POC5: variants seen among roughly 807,000 people sequenced by gnomAD.
The protein encoded by POC5 is POC5 centriolar protein, also known as centrosomal protein POC5.
Under a neutral mutation model 62.9 loss-of-function variants are expected in POC5, and 48 were observed. The observed-to-expected ratio is 0.76, with a 90% confidence interval of 0.61 to 0.97. The LOEUF (loss-of-function observed/expected upper bound fraction) is 0.97. Ranked by LOEUF, POC5 falls within the 50% of genes least tolerant of loss-of-function variation. The pLI is 0.00. For missense variants in POC5, 696 were observed against 679.5 expected, an observed-to-expected ratio of 1.02 and a Z score of -0.27; for synonymous variants, 236 against 228.2, an observed-to-expected ratio of 1.03 and a Z score of -0.31.
rs187167866 is a variant in POC5, at chr5:75,688,945, C to G, written c.1129+67G>C. 3.5e-4 allele frequency: 495 copies of G among 1,422,956 alleles called. 10 individuals are homozygous for G. In the Middle Eastern group the frequency reaches 9.2e-3, roughly 27 times the overall value. The allele number at this position is 1,422,956 out of a possible 1,614,324, so 88.1% of individuals were successfully genotyped here. A position where few individuals can be genotyped will look rare whatever the true frequency, so the allele number is the denominator to read the frequency against. On this transcript the variant is annotated intron_variant, in intron 9 of 11. Transcript: ENST00000428202. Reference sequence around the variant, plus strand: ...CAGATTATTTGTACTGTAGACCATACCAATCACCAAAATCTCCTCAAATCT... The same window carrying G: ...CAGATTATTTGTACTGTAGACCATAGCAATCACCAAAATCTCCTCAAATCT...
intron 2 of POC5, among the ~76,000 whole-genome samples, chr5:75,710,349 ATGTT>A (rs1385454978): frequency 6.6e-6 from 1 of 152,212 alleles, no homozygotes; most frequent in African/African-American, 2.4e-5. Flanking sequence ...CGGAGTCTGA[ATGTT>A]TGTGTCCCCT....
Position 75,674,424 on chromosome 5 carries a change from A to C in POC5, c.*11T>G. The C allele has an allele frequency of 6.2e-7, 1 of 1,613,420 alleles. No individual in the cohort carries two copies. The highest frequency in any genetic ancestry group is 8.5e-7 in the Non-Finnish European group (1 of 1,179,514). On this transcript the variant is annotated 3_prime_UTR_variant, in exon 12 of 12. Transcript: ENST00000428202. ...GAGGGATTAAAAGACCCCACTATGG[A>C]CATATTCACTTTAGTCAACCACTTT...
intron 5 of POC5, among the ~76,000 whole-genome samples, chr5:75,700,149 T>A (rs1233360848): frequency 6.6e-6 from 1 of 151,904 alleles, no homozygotes; most frequent in East Asian, 1.9e-4. Flanking sequence ...CTGCCCAAGG[T>A]AATTTACAGA....
At chr5:75,680,545 G>A (rs996972478) in intron 10 of POC5, among the ~76,000 whole-genome samples, 6 of 152,024 alleles carry the variant, frequency 3.9e-5, no homozygotes, top group Non-Finnish European at 8.8e-5. Context: ...ACTGTCGGCT[G>A]CTTGTTTTCA....
At chr5:75,694,270 C>T (rs974609727) in intron 6 of POC5, among the ~76,000 whole-genome samples, 7 of 152,182 alleles carry the variant, frequency 4.6e-5, no homozygotes, top group Middle Eastern at 3.4e-3. Context: ...CGTTCCTTCA[C>T]GTTCGCTTAA....
At chr5:75,692,592 A>G in intron 6 of POC5, 92 bp from the exon 7 acceptor site, 1 of 818,520 alleles carries the variant, frequency 1.2e-6, no homozygotes, top group African/African-American at 1.7e-5. Context: ...GCTAGAGAGG[A>G]TAGGTATGGA....
intron 7 of POC5, 63 bp downstream of exon 7, chr5:75,692,333 T>C (rs925002758): frequency 8.8e-7 from 1 of 1,135,852 alleles, no homozygotes; most frequent in African/African-American, 1.6e-5. Flanking sequence ...TAATAAGTGA[T>C]CCTGAGCACT....
At chr5:75,692,139 AT>A (rs2112124085) in intron 7 of POC5, among the ~76,000 whole-genome samples, 1 of 152,276 alleles carries the variant, frequency 6.6e-6, no homozygotes, top group South Asian at 2.1e-4. Context: ...GGCCTTTACA[AT>A]TTAGGAACAA....
intron 11 of POC5, among the ~76,000 whole-genome samples, chr5:75,676,545 C>CT (rs1275178588): frequency 4.0e-5 from 4 of 100,458 alleles, no homozygotes; most frequent in Non-Finnish European, 7.7e-5. Context: ...CCAGCTAGTA[C>CT]TCGGGAAAAA....
rs1561487842 is a variant in POC5, at chr5:75,717,338, G to A, written c.-47C>T. ...GCTCGCGACCAAATCCCGACTCCTCGCTCTGCGCCTCTTAGCCGCGTCGCA... is the reference window on the plus strand; with the variant it reads ...GCTCGCGACCAAATCCCGACTCCTCACTCTGCGCCTCTTAGCCGCGTCGCA... On this transcript the variant is annotated 5_prime_UTR_variant, in exon 1 of 12. Coordinates refer to ENST00000428202, the MANE Select transcript of POC5 (RefSeq NM_001099271.2). 1.3e-5 allele frequency: 2 copies of A among 152,254 alleles called. No individual in the cohort carries two copies. Among genetic ancestry groups the A allele is most frequent in the South Asian group, 2.1e-4 (1 of 4,838 alleles). 9.4% of individuals were successfully genotyped at this position (152,254 alleles called of 1,614,324 possible).
chr5:75,699,250 G>A (rs1170576532), intron 5 of POC5, among the ~76,000 whole-genome samples: 28 of 151,972 alleles, frequency 1.8e-4, no homozygotes, highest in Non-Finnish European at 1.5e-5. Context: ...CCAAAGCCGG[G>A]CAGAGACACA....
chr5:75,712,539 C>T, intron 2 of POC5: 1 of 1,269,792 alleles, frequency 7.9e-7, no homozygotes, highest in Non-Finnish European at 1.1e-6. Context: ...GTGAAAGTAG[C>T]ATTCATGAGA....
chr5:75,686,741 A>ATAATTAATC (rs913139987), intron 9 of POC5, among the ~76,000 whole-genome samples: 2 of 152,182 alleles, frequency 1.3e-5, no homozygotes, highest in African/African-American at 4.8e-5. Flanking sequence ...CTTAAGTTTA[A>ATAATTAATC]TAATTAATCT....
chr5:75,694,367 G>A (rs771891011), intron 6 of POC5, among the ~76,000 whole-genome samples: 1 of 152,050 alleles, frequency 6.6e-6, no homozygotes, highest in African/African-American at 2.4e-5. Context: ...TTTTTAAATT[G>A]ACAAATCATA....
intron 5 of POC5, among the ~76,000 whole-genome samples, chr5:75,702,163 G>C (rs1021805655): frequency 1.3e-5 from 2 of 152,008 alleles, no homozygotes; most frequent in African/African-American, 4.8e-5. Context: ...GGCCTGTCAG[G>C]GGGTGGAGGG....
At position 75,701,038 on chromosome 5, in the gene POC5, T is replaced by C. The variant is rs1272052911; in HGVS notation, c.513+1567A>G. Among the ~76,000 whole-genome samples the C allele has an allele frequency of 3.8e-4, 47 of 122,226 alleles. 1 individual carries two copies. The highest frequency in any genetic ancestry group is 6.0e-4 in the Non-Finnish European group (33 of 54,986). 80.2% of individuals were successfully genotyped at this position (122,226 alleles called of 152,430 possible). On this transcript the variant is annotated intron_variant, in intron 5 of 11. Transcript: ENST00000428202. ...CAATGAGATACCATCTCACACCAGT[T>C]AGAATGGCAATCATTAAAAAGTCAG...
intron 11 of POC5, among the ~76,000 whole-genome samples, chr5:75,675,949 G>T (rs1775633613): frequency 6.6e-6 from 1 of 152,160 alleles, no homozygotes; most frequent in African/African-American, 2.4e-5. Flanking sequence ...AGGGTGAAAA[G>T]AAATACAGTA....
chr5:75,715,909 A>G (rs1291659825), intron 1 of POC5, among the ~76,000 whole-genome samples: 1 of 152,214 alleles, frequency 6.6e-6, no homozygotes, highest in African/African-American at 2.4e-5. Context: ...CAATATCACA[A>G]CTTTGAGAAG....
intron 2 of POC5, among the ~76,000 whole-genome samples, chr5:75,711,061 T>G (rs867620080): frequency 6.6e-6 from 1 of 152,226 alleles, no homozygotes. Flanking sequence ...GTCAATAGTA[T>G]TCCATGACCA....
Sources: allele counts gnomAD v4.1 joint callset (sites outside exome capture counted in the v4.1 genomes callset), GRCh38; gene constraint gnomAD v4.1.1; transcripts MANE v1.5; gene names NCBI Gene and HGNC (gene_info 2026-07-23, HGNC 2026-07-21).